CFAP44: variants seen among roughly 807,000 people sequenced by gnomAD.
CFAP44 encodes the protein cilia- and flagella-associated protein 44.
A neutral mutation model predicts 216.2 loss-of-function variants in CFAP44; 134 were observed. That is an observed-to-expected ratio of 0.62 (90% CI 0.54 to 0.72). The LOEUF (loss-of-function observed/expected upper bound fraction) is 0.72. Ranked by LOEUF, CFAP44 falls within the 30% of genes least tolerant of loss-of-function variation. The pLI, the probability that CFAP44 is intolerant of heterozygous loss-of-function variation, is 0.00. For synonymous variants in CFAP44, 700 were observed against 727.6 expected (o/e 0.96, Z 0.61); for missense variants, 2,035 against 2,182.1 (o/e 0.93, Z 1.34).
intron 21 of CFAP44, among the ~76,000 whole-genome samples, chr3:113,361,856 ATT>A (rs79419654): frequency 1.3e-5 from 2 of 150,808 alleles, no homozygotes; most frequent in African/African-American, 4.9e-5. Context: ...TCTGACCACA[ATT>A]TTTTTTTACC....
At chr3:113,372,427 C>T (rs1933197731) in intron 18 of CFAP44, among the ~76,000 whole-genome samples, 1 of 152,216 alleles carries the variant, frequency 6.6e-6, no homozygotes, top group East Asian at 1.9e-4. Context: ...ATGTCCTTTG[C>T]AGGGACATGG....
chr3:113,439,431 C>A (rs1935308396), intron 1 of CFAP44, among the ~76,000 whole-genome samples: 1 of 152,220 alleles, frequency 6.6e-6, no homozygotes, highest in African/African-American at 2.4e-5. Context: ...AATTGCCTGT[C>A]CAACCTCAGA....
intron 28 of CFAP44, among the ~76,000 whole-genome samples, chr3:113,315,697 T>C (rs960388442): frequency 7.2e-5 from 11 of 152,192 alleles, no homozygotes; most frequent in African/African-American, 2.7e-4. Flanking sequence ...GAAAGCAATA[T>C]GCATTTGGTA....
chr3:113,353,786 CAG>C (rs1322630461), intron 22 of CFAP44, among the ~76,000 whole-genome samples: 1 of 150,894 alleles, frequency 6.6e-6, no homozygotes, highest in African/African-American at 2.5e-5. Context: ...GAACCAGAGT[CAG>C]AGAGAGAGAG....
At chr3:113,303,130 C>T (rs868610448) in intron 32 of CFAP44, among the ~76,000 whole-genome samples, 1 of 152,080 alleles carries the variant, frequency 6.6e-6, no homozygotes, top group African/African-American at 2.4e-5. Context: ...TCACACATTG[C>T]TAGGGGAGGA....
At chr3:113,416,377 T>C in intron 6 of CFAP44, 148 bp downstream of exon 6, 1 of 649,498 alleles carries the variant, frequency 1.5e-6, no homozygotes, top group Non-Finnish European at 2.7e-6. Context: ...AGGTTAGTAT[T>C]GTTGTGTGTG....
At chr3:113,311,575 C>G (rs528111800) in intron 28 of CFAP44, among the ~76,000 whole-genome samples, 1 of 152,240 alleles carries the variant, frequency 6.6e-6, no homozygotes, top group South Asian at 2.1e-4. Context: ...CTTTTTCTTC[C>G]CAGTCTTGGT....
chr3:113,355,963 C>T (rs1273172016), intron 22 of CFAP44, among the ~76,000 whole-genome samples: 3 of 150,884 alleles, frequency 2.0e-5, no homozygotes, highest in Non-Finnish European at 3.0e-5. Flanking sequence ...CAGACAAGGA[C>T]ATTAAAGCAA....
rs766295652 is a variant in CFAP44, at chr3:113,416,561, C to T, written c.637G>A (p.Glu213Lys). ...CTGTATGGTCTCAGAGAAGGATATT[C>T]ATAGATGATAATATCTGGAAAACTC... Reference protein sequence around the residue: ...KGSFPDIIIYEYPSLRPYRVL... With the variant: ...KGSFPDIIIYKYPSLRPYRVL... The change falls in exon 6 of 35, where the codon GAA becomes AAA. Residue 213 changes from glutamate to lysine, a missense_variant. Transcript: ENST00000393845. 1 of 1,612,392 alleles carries T rather than the reference C, an allele frequency of 6.2e-7. No homozygotes were observed. Among genetic ancestry groups the T allele is most frequent in the Admixed American group, 1.7e-5 (1 of 59,916 alleles).
Position 113,416,553 on chromosome 3 carries a change from A to G in CFAP44, c.645T>C (p.Pro215=), listed in dbSNP as rs1934652854. 6.2e-7 allele frequency: 1 copy of G among 1,612,044 alleles called. No homozygotes were observed. Among genetic ancestry groups the G allele is most frequent in the Non-Finnish European group, 8.5e-7 (1 of 1,178,576 alleles). ...SFPDIIIYEY[P]SLRPYRVLRD... Reference sequence around the variant, plus strand: ...GAAGGACTCTGTATGGTCTCAGAGAAGGATATTCATAGATGATAATATCTG... The same window carrying G: ...GAAGGACTCTGTATGGTCTCAGAGAGGGATATTCATAGATGATAATATCTG... Residue 215 remains proline (P), a synonymous_variant, in exon 6 of 35, where the codon CCT becomes CCC. Coordinates refer to ENST00000393845, the MANE Select transcript of CFAP44 (RefSeq NM_001164496.2).
intron 15 of CFAP44, 55 bp from the exon 16 acceptor site, chr3:113,381,115 T>A: frequency 8.0e-7 from 1 of 1,247,322 alleles, no homozygotes; most frequent in Non-Finnish European, 1.1e-6. Flanking sequence ...AAAAGCATAG[T>A]TTAAAGAGAT....
intron 2 of CFAP44, among the ~76,000 whole-genome samples, chr3:113,428,619 G>A (rs1424325193): frequency 1.3e-5 from 2 of 152,088 alleles, no homozygotes; most frequent in African/African-American, 4.8e-5. Flanking sequence ...TCAACATTGA[G>A]AATAAATACC....
rs1429066534 is a variant in CFAP44 at position 113,287,734 on chromosome 3, A to G, written c.*3823T>C. On this transcript the variant is annotated 3_prime_UTR_variant, in exon 35 of 35. Transcript: ENST00000393845. ...CTCTTACCAACTGGACTTGAGATGA[A>G]GTTTAGGTCATATTGAAGAAATAGA... 1 of 152,250 alleles carries G rather than the reference A, an allele frequency of 6.6e-6. No individual in the cohort carries two copies. Among genetic ancestry groups the G allele is most frequent in the African/African-American group, 2.4e-5 (1 of 41,460 alleles). 9.4% of individuals were successfully genotyped at this position (152,250 alleles called of 1,614,324 possible). A position where few individuals can be genotyped will look rare whatever the true frequency, so the allele number is the denominator to read the frequency against.
intron 4 of CFAP44, among the ~76,000 whole-genome samples, chr3:113,421,709 A>G (rs1166745862): frequency 6.6e-6 from 1 of 152,210 alleles, no homozygotes; most frequent in Admixed American, 6.5e-5. Flanking sequence ...GCAGGAGGCC[A>G]TTATCCTAAG....
intron 6 of CFAP44, among the ~76,000 whole-genome samples, chr3:113,413,407 C>T (rs905834901): frequency 2.0e-5 from 3 of 152,096 alleles, no homozygotes; most frequent in African/African-American, 7.2e-5. Flanking sequence ...GCTTTTGTTG[C>T]AATTGCTTTT....
At chr3:113,299,980 A>T (rs1949918660) in intron 32 of CFAP44, among the ~76,000 whole-genome samples, 1 of 152,224 alleles carries the variant, frequency 6.6e-6, no homozygotes, top group African/African-American at 2.4e-5. Context: ...GCAGTAAGCC[A>T]TGATTGCGCT....
Position 113,401,264 on chromosome 3 carries a change from C to A in CFAP44, c.1350G>T (p.Lys450Asn). The stretch of plus-strand genomic sequence containing the variant: ...CAATATTTGAAAAACTAAGGTCAAG[C>A]TTCCATATGGCTCCATTGGCATCCT... ...LAQDANGAIW[K>N]LDLSFSNITQ... The change falls in exon 11 of 35, where the codon AAG becomes AAT. Residue 450 changes from lysine (K) to asparagine (N), a missense_variant. Transcript: ENST00000393845. 1 of 1,587,634 alleles carries A rather than the reference C, an allele frequency of 6.3e-7. No individual in the cohort carries two copies.
At chr3:113,380,404 C>T (rs537667257) in intron 16 of CFAP44, among the ~76,000 whole-genome samples, 5 of 152,200 alleles carry the variant, frequency 3.3e-5, no homozygotes, top group Admixed American at 1.3e-4. Flanking sequence ...TTATTGCCAT[C>T]GCCCTATTTT....
chr3:113,336,278 G>T (rs370169331), intron 24 of CFAP44, among the ~76,000 whole-genome samples: 3 of 151,964 alleles, frequency 2.0e-5, no homozygotes, highest in Non-Finnish European at 4.4e-5. Context: ...ATGACCAAAA[G>T]CTAGTTCTTT....
Sources: allele counts gnomAD v4.1 joint callset (sites outside exome capture counted in the v4.1 genomes callset), GRCh38; gene constraint gnomAD v4.1.1; transcripts MANE v1.5; gene names NCBI Gene and HGNC (gene_info 2026-07-23, HGNC 2026-07-21).